Variants in TFIP11 observed in about 807,000 individuals in gnomAD.
The protein encoded by TFIP11 is tuftelin-interacting protein 11.
Under a neutral mutation model 96.8 loss-of-function variants are expected in TFIP11, and 86 were observed. The observed-to-expected ratio is 0.89, with a 90% confidence interval of 0.75 to 1.06. TFIP11 has a LOEUF of 1.06. Among genes scored for constraint, TFIP11 ranks in the 50% least tolerant of loss-of-function variants. The pLI is 0.00. For synonymous variants in TFIP11, 405 were observed against 395.2 expected, an observed-to-expected ratio of 1.02 and a Z score of -0.29; for missense variants, 881 against 1,076.7, an observed-to-expected ratio of 0.82 and a Z score of 2.54.
chr22:26,510,277 A>G lies in TFIP11; in HGVS notation c.-5T>C. The G allele has an allele frequency of 6.2e-7, 1 of 1,614,166 alleles. No homozygotes were observed. The highest frequency in any genetic ancestry group is 8.5e-7 in the Non-Finnish European group (1 of 1,180,014). The stretch of plus-strand genomic sequence containing the variant: ...GTATAAGTGGGACAATGACATGGCC[A>G]GTCACTAAAGGAAGAGACAAAAAGA... On this transcript the variant is annotated 5_prime_UTR_variant, in exon 4 of 15. Transcript: ENST00000407690.
At chr22:26,496,561 G>C (rs530166361) in intron 11 of TFIP11, among the ~76,000 whole-genome samples, 160 bp downstream of exon 11, 1 of 152,232 alleles carries the variant, frequency 6.6e-6, no homozygotes, top group Non-Finnish European at 1.5e-5. Flanking sequence ...GGGGGAAAAA[G>C]TGCTGAGAAA....
At chr22:26,501,785 CAAAA>C (rs371327421) in intron 8 of TFIP11, 111 bp downstream of exon 8, 5,046 of 259,224 alleles carry the variant, frequency 0.019, 39 homozygotes, top group African/African-American at 0.11. Context: ...AGCAAGGTAC[CAAAA>C]AAAAAAAAAA....
At chr22:26,494,737 A>G (rs1418467482) in intron 13 of TFIP11, 60 bp downstream of exon 13, 8 of 1,608,834 alleles carry the variant, frequency 5.0e-6, no homozygotes, top group Non-Finnish European at 6.8e-6. Context: ...CCTTGGCAGA[A>G]AATTAACTTA....
At position 26,506,332 on chromosome 22, in the gene TFIP11, G is replaced by C. The variant is rs763482421; in HGVS notation, c.491C>G (p.Pro164Arg). The C allele has an allele frequency of 1.4e-5, 23 of 1,611,894 alleles. No homozygotes were observed. Among genetic ancestry groups the C allele is most frequent in the Non-Finnish European group, 1.9e-5 (22 of 1,179,316 alleles). ...TGCATTCTTCCCGAGGCCCCGTCCAGGGACGTAGCCCATCTTCTGAAGAAG... is the reference window on the plus strand; with the variant it reads ...TGCATTCTTCCCGAGGCCCCGTCCACGGACGTAGCCCATCTTCTGAAGAAG... The part of the protein sequence containing the change: ...QKLLQKMGYV[P>R]GRGLGKNAQG... Residue 164 changes from proline (P) to arginine (R), a missense_variant, in exon 6 of 15, where the codon CCT (proline) becomes CGT (arginine). Physicochemically the swap from Pro to Arg is moderately radical, Grantham distance 103 (BLOSUM62 -2). Coordinates refer to ENST00000407690, the MANE Select transcript of TFIP11 (RefSeq NM_012143.4).
chr22:26,499,667 T>G, intron 8 of TFIP11, 36 bp from the exon 9 acceptor site: 2 of 1,568,730 alleles, frequency 1.3e-6, no homozygotes, highest in Non-Finnish European at 8.6e-7. Flanking sequence ...TTAACACCGC[T>G]GCAGCCCTGT....
At chr22:26,506,178 G>T in intron 6 of TFIP11, 125 bp downstream of exon 6, 1 of 1,044,114 alleles carries the variant, frequency 9.6e-7, no homozygotes, top group Non-Finnish European at 1.3e-6. Flanking sequence ...AATGTCTTGT[G>T]CTGGCAAACC....
intron 4 of TFIP11, among the ~76,000 whole-genome samples, chr22:26,507,911 G>A (rs1002090257): frequency 3.9e-5 from 6 of 152,168 alleles, no homozygotes; most frequent in African/African-American, 1.4e-4. Context: ...TTCAAGACCA[G>A]CTGGGCCAAC....
At chr22:26,505,253 G>A (rs1160690140) in intron 6 of TFIP11, among the ~76,000 whole-genome samples, 6 of 152,150 alleles carry the variant, frequency 3.9e-5, no homozygotes, top group Non-Finnish European at 8.8e-5. Context: ...AAGAAGGTAA[G>A]AGTGTGACAG....
Position 26,496,735 on chromosome 22 carries a change from T to A in TFIP11, c.1591A>T (p.Lys531Ter). The part of the protein sequence containing the change: ...DNILDQLIFP[K>*]LQKEVENWNP... ...TCTCATCCCACCTCCTTTTGCAGCT[T>A]GGGGAAGATGAGTTGGTCCAGTATG... Residue 531 changes from lysine (K) to a stop codon, truncating the protein, a stop_gained, in exon 11 of 15, where the codon AAG becomes TAG. Coordinates refer to ENST00000407690, the MANE Select transcript of TFIP11 (RefSeq NM_012143.4). LOFTEE classifies it high-confidence loss of function. 6.2e-7 allele frequency: 1 copy of A among 1,614,012 alleles called. No individual in the cohort carries two copies. The highest frequency in any genetic ancestry group is 8.5e-7 in the Non-Finnish European group (1 of 1,179,944).
intron 12 of TFIP11, 67 bp downstream of exon 12, chr22:26,496,006 A>T (rs1921975555): frequency 6.4e-7 from 1 of 1,564,360 alleles, no homozygotes. Context: ...TTAAATCATC[A>T]CTGCTAACCA....
In TFIP11 at chr22:26,491,404, A is replaced by T. The variant is rs1007740183; in HGVS notation, c.*609T>A. ...GACAAGTAAAGTGGAAATTTATCCCAGAAGAGTGGGGATTACTGTGACTAT... is the reference window on the plus strand; with the variant it reads ...GACAAGTAAAGTGGAAATTTATCCCTGAAGAGTGGGGATTACTGTGACTAT... On this transcript the variant is annotated 3_prime_UTR_variant, in exon 15 of 15. Coordinates refer to ENST00000407690, the MANE Select transcript of TFIP11 (RefSeq NM_012143.4). 7.6e-7 allele frequency: 1 copy of T among 1,310,508 alleles called. No homozygotes were observed. Among genetic ancestry groups the T allele is most frequent in the Admixed American group, 2.0e-5 (1 of 49,156 alleles). 81.2% of individuals were successfully genotyped at this position (1,310,508 alleles called of 1,614,324 possible). A position where few individuals can be genotyped will look rare whatever the true frequency, so the allele number is the denominator to read the frequency against.
In TFIP11 at chr22:26,512,154, G is replaced by C. The variant is rs1924150012; in HGVS notation, c.-151C>G. On this transcript the variant is annotated 5_prime_UTR_variant, in exon 2 of 15. Transcript: ENST00000407690. ...TCAGGAGTGCTAGAAGTCAGGCCTC[G>C]GGCTTGTCTCTCTCTTGCTGTCTAG... The C allele has an allele frequency of 6.6e-6, 1 of 152,162 alleles. No individual in the cohort carries two copies. The highest frequency in any genetic ancestry group is 2.1e-4 in the South Asian group (1 of 4,818). The allele number at this position is 152,162 out of a possible 1,614,324, so 9.4% of individuals were successfully genotyped here.
intron 6 of TFIP11, 23 bp from the exon 7 acceptor site, chr22:26,503,816 A>G: frequency 6.2e-7 from 1 of 1,610,662 alleles, no homozygotes; most frequent in Non-Finnish European, 8.5e-7. Flanking sequence ...AGCAAAAAAA[A>G]AAGAGAGTCT....
intron 10 of TFIP11, among the ~76,000 whole-genome samples, chr22:26,497,546 T>G (rs2147127876): frequency 6.6e-6 from 1 of 152,346 alleles, no homozygotes; most frequent in South Asian, 2.1e-4. Flanking sequence ...AACTACCATT[T>G]GATCCAGCAA....
chr22:26,502,205 A>G, intron 7 of TFIP11, 153 bp from the exon 8 acceptor site: 3 of 838,588 alleles, frequency 3.6e-6, no homozygotes, highest in Non-Finnish European at 5.6e-6. Flanking sequence ...CCTGCAAGAC[A>G]CCAAAACTAT....
In TFIP11 at chr22:26,502,062, A is replaced by G. The variant is rs571901574; in HGVS notation, c.649-10T>C. ...GCTCCTTCTGAAACTCCTGAACCAGAAGAATACAGTCAGATGCAGCAAGGA... is the reference window on the plus strand; with the variant it reads ...GCTCCTTCTGAAACTCCTGAACCAGGAGAATACAGTCAGATGCAGCAAGGA... On this transcript the variant is annotated splice_polypyrimidine_tract_variant and intron_variant, in intron 7 of 14. Coordinates refer to ENST00000407690, the MANE Select transcript of TFIP11 (RefSeq NM_012143.4). 8.1e-6 allele frequency: 13 copies of G among 1,614,068 alleles called. No individual in the cohort carries two copies. In the African/African-American group the frequency reaches 1.3e-4, roughly 17 times the overall value.
intron 2 of TFIP11, 49 bp from the exon 3 acceptor site, chr22:26,510,751 G>C (rs1201005311): frequency 6.5e-6 from 1 of 154,950 alleles, no homozygotes; most frequent in African/African-American, 2.4e-5. Context: ...TACATTACTT[G>C]ATGAAACAAA....
At chr22:26,510,311 C>T (rs757865034) in intron 3 of TFIP11, 30 bp from the exon 4 acceptor site, 14 of 1,605,816 alleles carry the variant, frequency 8.7e-6, no homozygotes, top group African/African-American at 1.3e-5. Context: ...GAGCACAGGC[C>T]GTAAGTCCTG....
At position 26,492,066 on chromosome 22, in the gene TFIP11, C is replaced by T. The variant is rs749547123; in HGVS notation, c.2461G>A (p.Glu821Lys). 3 of 1,611,154 alleles carry T rather than the reference C, an allele frequency of 1.9e-6. No homozygotes were observed. Among genetic ancestry groups the T allele is most frequent in the Admixed American group, 1.7e-5 (1 of 59,588 alleles). The change falls in exon 15 of 15, where the codon GAG (glutamate) becomes AAG (lysine). Residue 821 changes from glutamate (E) to lysine (K), a missense_variant. Coordinates refer to ENST00000407690, the MANE Select transcript of TFIP11 (RefSeq NM_012143.4). ...AGTGAGGTGGGCACCCACGTCTTCT[C>T]GCCCTGGACAAAGACCACTCCCCGG... Reference protein sequence around the residue: ...IDRGVVFVQGEKTWVPTSLQS... With the variant: ...IDRGVVFVQGKKTWVPTSLQS...
Sources: allele counts gnomAD v4.1 joint callset (sites outside exome capture counted in the v4.1 genomes callset), GRCh38; gene constraint gnomAD v4.1.1; transcripts MANE v1.5; gene names NCBI Gene and HGNC (gene_info 2026-07-23, HGNC 2026-07-21).